Variants in SIM1 observed in about 807,000 individuals in gnomAD.
SIM1 encodes the protein SIM bHLH transcription factor 1, also known as single-minded homolog 1.
In SIM1, 18 loss-of-function variants were observed where a neutral mutation model predicts 78.2. The ratio of observed to expected loss-of-function variants is 0.23; its 90% CI spans 0.16 to 0.34. The LOEUF (loss-of-function observed/expected upper bound fraction) is 0.34, where lower values mean the gene tolerates loss of function less well. SIM1 is among the 10% of genes least tolerant of loss of function. The pLI is 1.00. For missense variants in SIM1, 939 were observed against 975.1 expected (o/e 0.96, Z 0.49); for synonymous variants, 417 against 385.2 (o/e 1.08, Z -0.97).
chr6:100,453,937 GC>G (rs1313129365), intron 2 of SIM1, 93 bp from the exon 3 acceptor site: 2 of 894,632 alleles, frequency 2.2e-6, no homozygotes, highest in Non-Finnish European at 1.7e-6. Context: ...CCGAGTGCCG[GC>G]CCCTTTGACT....
At chr6:100,429,443 C>A (rs1771836859) in intron 9 of SIM1, among the ~76,000 whole-genome samples, 1 of 150,886 alleles carries the variant, frequency 6.6e-6, no homozygotes, top group Admixed American at 6.6e-5. Flanking sequence ...TATAAATAAT[C>A]AAATAAGAAG....
chr6:100,397,089 G>T (rs767446335), intron 10 of SIM1, among the ~76,000 whole-genome samples: 1 of 152,180 alleles, frequency 6.6e-6, no homozygotes, highest in African/African-American at 2.4e-5. Context: ...AATTTTTATT[G>T]TCATAACTAT....
chr6:100,447,146 G>C (rs1213680326), intron 9 of SIM1, 122 bp downstream of exon 9: 2 of 1,108,358 alleles, frequency 1.8e-6, no homozygotes, highest in African/African-American at 3.1e-5. Flanking sequence ...GCCAGCACTC[G>C]AGGGTCAAAA....
At chr6:100,454,348 A>C (rs775160611) in intron 2 of SIM1, among the ~76,000 whole-genome samples, 2 of 152,168 alleles carry the variant, frequency 1.3e-5, no homozygotes, top group African/African-American at 4.8e-5. Flanking sequence ...CGGGGCTTCT[A>C]GCCACTCTCC....
chr6:100,437,793 C>T (rs1050832479), intron 9 of SIM1, among the ~76,000 whole-genome samples: 1 of 152,104 alleles, frequency 6.6e-6, no homozygotes, highest in African/African-American at 2.4e-5. Context: ...GCAGAAATCA[C>T]CACATACAAA....
chr6:100,395,975 GA>G (rs1251753565), intron 10 of SIM1: 17 of 379,492 alleles, frequency 4.5e-5, no homozygotes, highest in Admixed American at 6.4e-5. Context: ...ATTCCATCAA[GA>G]AAAAAAATTA....
intron 10 of SIM1, among the ~76,000 whole-genome samples, chr6:100,412,735 GA>G (rs768082208): frequency 5.0e-5 from 7 of 140,756 alleles, no homozygotes; most frequent in African/African-American, 1.6e-4. Context: ...AAGAAAGAAA[GA>G]AAGAAAGAAA....
chr6:100,462,958 G>A (rs1772892047), intron 2 of SIM1: 1 of 211,336 alleles, frequency 4.7e-6, no homozygotes, highest in African/African-American at 2.3e-5. Flanking sequence ...ATTCTAACAA[G>A]AGGAGTAAAA....
At chr6:100,417,699 A>G (rs1771439873) in intron 10 of SIM1, among the ~76,000 whole-genome samples, 1 of 151,952 alleles carries the variant, frequency 6.6e-6, no homozygotes. Flanking sequence ...CCCAGAGGAA[A>G]CTCTCAGCCT....
At chr6:100,409,676 CT>C (rs1295680916) in intron 10 of SIM1, among the ~76,000 whole-genome samples, 1 of 152,042 alleles carries the variant, frequency 6.6e-6, no homozygotes, top group Non-Finnish European at 1.5e-5. Flanking sequence ...TGTTTATACA[CT>C]TTCCTATTAA....
intron 10 of SIM1, chr6:100,395,996 C>T: frequency 1.2e-5 from 7 of 603,952 alleles, no homozygotes; most frequent in Non-Finnish European, 1.5e-5. Flanking sequence ...AGAAAATCCA[C>T]CTTATCTCCC....
At chr6:100,447,090 C>T (rs1430318822) in intron 9 of SIM1, among the ~76,000 whole-genome samples, 178 bp downstream of exon 9, 1 of 152,206 alleles carries the variant, frequency 6.6e-6, no homozygotes, top group Non-Finnish European at 1.5e-5. Flanking sequence ...ACGAAGAAAA[C>T]CTCTTCAAAA....
chr6:100,412,708 AAAGAAAGAAAG>A, intron 10 of SIM1, among the ~76,000 whole-genome samples: 1 of 135,442 alleles, frequency 7.4e-6, no homozygotes, highest in African/African-American at 2.9e-5. Flanking sequence ...AGAAAGAAAG[AAAGAAAGAAAG>A]AAAGAAAGAA....
At chr6:100,449,218 G>A (rs1772447535) in intron 6 of SIM1, 145 bp downstream of exon 6, 1 of 643,934 alleles carries the variant, frequency 1.6e-6, no homozygotes, top group South Asian at 1.9e-5. Flanking sequence ...GGCCCTCGTG[G>A]AGAGTCCTGG....
Position 100,463,827 on chromosome 6 carries a change from G to C in SIM1, c.-359C>G, listed in dbSNP as rs1223033545. The C allele has an allele frequency of 5.2e-6, 1 of 193,500 alleles. No homozygotes were observed. The highest frequency in any genetic ancestry group is 2.3e-5 in the African/African-American group (1 of 43,246). The allele number at this position is 193,500 out of a possible 1,614,324, so 12.0% of individuals were successfully genotyped here. A position where few individuals can be genotyped will look rare whatever the true frequency, so the allele number is the denominator to read the frequency against. On this transcript the variant is annotated 5_prime_UTR_variant, in exon 2 of 12. Transcript: ENST00000369208. ...TGCCAGCTGCGAACCCTGGTCCTCG[G>C]AAAATCGACATAATAATCCCTGACG...
At chr6:100,395,325 C>A (rs1240897337) in intron 10 of SIM1, among the ~76,000 whole-genome samples, 2 of 152,068 alleles carry the variant, frequency 1.3e-5, no homozygotes, top group South Asian at 2.1e-4. Flanking sequence ...TCCTCACAAC[C>A]ACCTGAACAT....
In SIM1 at chr6:100,419,396, C is replaced by A. The variant is rs182547280; in HGVS notation, c.1167+1394G>T. Among the ~76,000 whole-genome samples the A allele has an allele frequency of 1.5e-3, 233 of 152,238 alleles. 1 individual carries two copies. The highest frequency in any genetic ancestry group is 5.4e-3 in the African/African-American group (226 of 41,544). ...AGACCATGTTGTGCTCATCTTCATA[C>A]AACAAGCCACTAAAATAATCTAGCA... On this transcript the variant is annotated intron_variant, in intron 10 of 11. Transcript: ENST00000369208.
intron 10 of SIM1, among the ~76,000 whole-genome samples, chr6:100,395,325 C>T (rs1240897337): frequency 6.6e-6 from 1 of 152,068 alleles, no homozygotes; most frequent in Non-Finnish European, 1.5e-5. Context: ...TCCTCACAAC[C>T]ACCTGAACAT....
intron 9 of SIM1, among the ~76,000 whole-genome samples, chr6:100,432,619 C>T (rs1257361692): frequency 1.3e-5 from 2 of 152,218 alleles, no homozygotes; most frequent in Non-Finnish European, 2.9e-5. Flanking sequence ...CTCCTAACCT[C>T]CTTTTGAGTG....
Sources: allele counts gnomAD v4.1 joint callset (sites outside exome capture counted in the v4.1 genomes callset), GRCh38; gene constraint gnomAD v4.1.1; transcripts MANE v1.5; gene names NCBI Gene and HGNC (gene_info 2026-07-23, HGNC 2026-07-21).